Variants in THRB observed in about 807,000 individuals in gnomAD.
THRB encodes thyroid hormone receptor beta.
In THRB, 12 loss-of-function variants were observed where a neutral mutation model predicts 47.8. The ratio of observed to expected loss-of-function variants is 0.25; its 90% CI spans 0.16 to 0.41. The LOEUF is 0.41. THRB is among the 10% of genes least tolerant of loss of function. THRB has a pLI of 1.00. For synonymous variants in THRB, 218 were observed against 212.2 expected (o/e 1.03, Z -0.24); for missense variants, 348 against 589.2 (o/e 0.59, Z 4.24).
intron 1 of THRB, among the ~76,000 whole-genome samples, chr3:24,485,642 G>C (rs1413542556): frequency 2.0e-5 from 3 of 152,200 alleles, no homozygotes; most frequent in Admixed American, 6.5e-5. Context: ...TCTGGCTCCT[G>C]CCTGCTCCAA....
intron 5 of THRB, among the ~76,000 whole-genome samples, chr3:24,158,554 G>A (rs778154775): frequency 4.4e-4 from 67 of 151,976 alleles, no homozygotes; most frequent in Non-Finnish European, 8.1e-4. Context: ...TCAGCCTCCT[G>A]AGTCACTGGG....
chr3:24,477,240 C>A (rs1212418704), intron 1 of THRB, among the ~76,000 whole-genome samples: 1 of 151,988 alleles, frequency 6.6e-6, no homozygotes, highest in African/African-American at 2.4e-5. Flanking sequence ...TAATTCAAGG[C>A]CCACTAATGT....
chr3:24,258,441 C>T (rs1212387216), intron 3 of THRB, among the ~76,000 whole-genome samples: 4 of 152,158 alleles, frequency 2.6e-5, no homozygotes, highest in Admixed American at 1.3e-4. Context: ...TCCAGTCCTG[C>T]GCCAAGCTGC....
intron 1 of THRB, among the ~76,000 whole-genome samples, chr3:24,491,756 T>C (rs1438564481): frequency 6.6e-6 from 1 of 152,142 alleles, no homozygotes; most frequent in African/African-American, 2.4e-5. Flanking sequence ...CCCAGTGAAG[T>C]CTAGTCCCTG....
At chr3:24,446,979 A>G (rs2072153299) in intron 1 of THRB, among the ~76,000 whole-genome samples, 1 of 152,150 alleles carries the variant, frequency 6.6e-6, no homozygotes, top group Non-Finnish European at 1.5e-5. Context: ...CTTGCAAAGT[A>G]TTTTTTGCAA....
rs1256509371 is a variant in THRB, at chr3:24,120,136, T to C, written c.*2748A>G. On this transcript the variant is annotated 3_prime_UTR_variant, in exon 11 of 11. Transcript: ENST00000646209. ...TATGAGATGGAGTCTTGAGATGCAC[T>C]AAGTACCTCTGTCAGCTTCAGAAGG... 6.6e-6 allele frequency: 1 copy of C among 152,240 alleles called. No homozygotes were observed. Among genetic ancestry groups the C allele is most frequent in the Admixed American group, 6.5e-5 (1 of 15,290 alleles). The allele number at this position is 152,240 out of a possible 1,614,324, so 9.4% of individuals were successfully genotyped here. A position where few individuals can be genotyped will look rare whatever the true frequency, so the allele number is the denominator to read the frequency against.
At chr3:24,143,769 A>C in intron 7 of THRB, 63 bp from the exon 8 acceptor site, 1 of 1,566,728 alleles carries the variant, frequency 6.4e-7, no homozygotes, top group Non-Finnish European at 8.8e-7. Flanking sequence ...AGCAAGCTGC[A>C]CTTCCTGGAG....
In THRB at chr3:24,273,422, TATC is replaced by T. The variant is rs528687807; in HGVS notation, c.-43+23801_-43+23803del. Among the ~76,000 whole-genome samples the T allele has an allele frequency of 5.9e-4, 90 of 152,314 alleles. 1 individual carries two copies. In the Middle Eastern group the frequency reaches 0.02, roughly 35 times the overall value. ...GAATATGACATTAATTAATATCTCT[TATC>T]ATCTACCACAGGGTTATGGTTATAA... On this transcript the variant is annotated intron_variant, in intron 3 of 10. Transcript: ENST00000646209.
rs577777620 is a variant in THRB at position 24,163,258 on chromosome 3, T to C, written c.284-10768A>G. Among the ~76,000 whole-genome samples, 5 of 152,314 alleles carry C rather than the reference T, an allele frequency of 3.3e-5. No homozygotes were observed. In the East Asian group the frequency reaches 9.6e-4, roughly 29 times the overall value. Reference sequence around the variant, plus strand: ...GTGCATTTAAGAATATTTGCCTGTTTTGATTTAGTGAGTTTGGCAGGTGGC... The same window carrying C: ...GTGCATTTAAGAATATTTGCCTGTTCTGATTTAGTGAGTTTGGCAGGTGGC... On this transcript the variant is annotated intron_variant, in intron 5 of 10. Transcript: ENST00000646209.
intron 4 of THRB, among the ~76,000 whole-genome samples, chr3:24,223,284 C>T (rs958892): frequency 0.66 from 99,995 of 152,028 alleles, 34,452 homozygotes; most frequent in African/African-American, 0.86. Context: ...GAGAAAAATC[C>T]TCAACCTTAA....
intron 1 of THRB, among the ~76,000 whole-genome samples, chr3:24,442,046 TC>T (rs1383552023): frequency 6.6e-6 from 1 of 152,156 alleles, no homozygotes; most frequent in African/African-American, 2.4e-5. Flanking sequence ...ATTTTTTTTT[TC>T]TTTAAATACC....
chr3:24,174,654 C>T (rs1287017288), intron 5 of THRB, among the ~76,000 whole-genome samples: 1 of 152,232 alleles, frequency 6.6e-6, no homozygotes, highest in Non-Finnish European at 1.5e-5. Flanking sequence ...GCCACTTTCT[C>T]ATATGACCTG....
intron 5 of THRB, among the ~76,000 whole-genome samples, chr3:24,175,070 T>C (rs1342641077): frequency 2.0e-5 from 3 of 152,246 alleles, no homozygotes; most frequent in East Asian, 3.8e-4. Flanking sequence ...TCCAGAAACT[T>C]AATCATGTCA....
chr3:24,120,178 G>A lies in THRB; in HGVS notation c.*2706C>T, dbSNP rs572431557. 2.6e-5 allele frequency: 4 copies of A among 152,166 alleles called. No individual in the cohort carries two copies. The East Asian group carries it at 5.8e-4, about 22-fold the overall frequency. The allele number at this position is 152,166 out of a possible 1,614,324, so 9.4% of individuals were successfully genotyped here. ...TTCAGAAGGAAGGAGTTTAGTTTCA[G>A]AGTCATTATCTTTTGAGTCCTATGG... On this transcript the variant is annotated 3_prime_UTR_variant, in exon 11 of 11. Coordinates refer to ENST00000646209, the MANE Select transcript of THRB (RefSeq NM_001354712.2).
chr3:24,323,435 T>C (rs2058614087), intron 2 of THRB, among the ~76,000 whole-genome samples: 1 of 152,178 alleles, frequency 6.6e-6, no homozygotes, highest in African/African-American at 2.4e-5. Context: ...GTTGACTTGT[T>C]GACTCAGCCT....
At chr3:24,304,800 A>T (rs2149131968) in intron 2 of THRB, among the ~76,000 whole-genome samples, 1 of 152,324 alleles carries the variant, frequency 6.6e-6, no homozygotes, top group East Asian at 1.9e-4. Flanking sequence ...AGGGGGAAAT[A>T]CTAGGATTGA....
chr3:24,483,760 A>G (rs1696833383), intron 1 of THRB, among the ~76,000 whole-genome samples: 1 of 152,236 alleles, frequency 6.6e-6, no homozygotes, highest in Non-Finnish European at 1.5e-5. Flanking sequence ...CATTGAATTA[A>G]AAAATAGTAG....
At chr3:24,279,795 C>A (rs1301647526) in intron 3 of THRB, among the ~76,000 whole-genome samples, 1 of 152,070 alleles carries the variant, frequency 6.6e-6, no homozygotes, top group Non-Finnish European at 1.5e-5. Flanking sequence ...TGAAAAATTC[C>A]TTTTTAAACC....
At chr3:24,370,550 A>G (rs2064830042) in intron 1 of THRB, among the ~76,000 whole-genome samples, 1 of 152,106 alleles carries the variant, frequency 6.6e-6, no homozygotes, top group Non-Finnish European at 1.5e-5. Context: ...CAAGGAGATA[A>G]TCATCTATGG....
Sources: allele counts gnomAD v4.1 joint callset (sites outside exome capture counted in the v4.1 genomes callset), GRCh38; gene constraint gnomAD v4.1.1; transcripts MANE v1.5; gene names NCBI Gene and HGNC (gene_info 2026-07-23, HGNC 2026-07-21).